ADGRL3: variants seen among roughly 807,000 people sequenced by gnomAD.
ADGRL3 encodes calcium-independent alpha-latrotoxin receptor 3.
A neutral mutation model predicts 153.5 loss-of-function variants in ADGRL3; 62 were observed. That is an observed-to-expected ratio of 0.40 (90% CI 0.33 to 0.50). The LOEUF is 0.50. ADGRL3 is among the 20% of genes least tolerant of loss of function. The pLI is 0.47. For synonymous variants in ADGRL3, 710 were observed against 672.5 expected, an observed-to-expected ratio of 1.06 and a Z score of -0.86; for missense variants, 1,641 against 1,859.4, an observed-to-expected ratio of 0.88 and a Z score of 2.16.
chr4:61,847,316 A>G (rs1339595529), intron 9 of ADGRL3, among the ~76,000 whole-genome samples: 2 of 151,450 alleles, frequency 1.3e-5, no homozygotes, highest in African/African-American at 4.9e-5. Flanking sequence ...GCTAACTTGA[A>G]TAAATTCACT....
intron 2 of ADGRL3, among the ~76,000 whole-genome samples, chr4:61,416,268 A>C (rs967056474): frequency 2.6e-5 from 4 of 152,090 alleles, no homozygotes; most frequent in Non-Finnish European, 4.4e-5. Flanking sequence ...AATCAAAGAA[A>C]CTAGTAATTT....
At chr4:61,904,612 C>T (rs1386982692) in intron 11 of ADGRL3, among the ~76,000 whole-genome samples, 1 of 151,782 alleles carries the variant, frequency 6.6e-6, no homozygotes, top group South Asian at 2.1e-4. Flanking sequence ...TCTTTTCCAC[C>T]TTTTCGTTTC....
In ADGRL3 at chr4:61,847,833, A is replaced by T. The variant is rs1211368513; in HGVS notation, c.1480+33944A>T. On this transcript the variant is annotated intron_variant, in intron 9 of 26. Coordinates refer to ENST00000683033, the MANE Select transcript of ADGRL3 (RefSeq NM_001387552.1). ...ATATTATATATATATAATATAAAAT[A>T]TATATATAATATAAAATATATTATA... Among the ~76,000 whole-genome samples the T allele has an allele frequency of 4.6e-4, 4 of 8,782 alleles. 1 individual carries two copies. The highest frequency in any genetic ancestry group is 1.2e-3 in the African/African-American group (4 of 3,404). 5.8% of individuals were successfully genotyped at this position (8,782 alleles called of 152,430 possible).
At chr4:61,400,830 A>T (rs1345501210) in intron 2 of ADGRL3, among the ~76,000 whole-genome samples, 2 of 151,668 alleles carry the variant, frequency 1.3e-5, no homozygotes, top group Non-Finnish European at 3.0e-5. Context: ...AAAAAAAAAA[A>T]AAAAAGTCCT....
At position 62,070,884 on chromosome 4, in the gene ADGRL3, G is replaced by T; in HGVS notation, c.4608G>T (p.Pro1536=). The change falls in exon 27 of 27, where the codon CCG becomes CCT. Residue 1536 remains proline, a synonymous_variant. Coordinates refer to ENST00000683033, the MANE Select transcript of ADGRL3 (RefSeq NM_001387552.1). ...GTPPEGSSKG[P]AHLVTSL ...CTCCCGAGGGAAGTTCAAAAGGACC[G>T]GCTCATTTGGTCACTAGTCTATAGA... 5 of 1,550,144 alleles carry T rather than the reference G, an allele frequency of 3.2e-6. No individual in the cohort carries two copies. The highest frequency in any genetic ancestry group is 1.4e-5 in the African/African-American group (1 of 73,072).
intron 2 of ADGRL3, among the ~76,000 whole-genome samples, chr4:61,438,929 G>A (rs1389362355): frequency 2.0e-5 from 3 of 151,806 alleles, no homozygotes; most frequent in African/African-American, 4.8e-5. Context: ...GGATGGTCTC[G>A]ATCGCCTGAC....
chr4:61,459,698 A>C (rs10032317), intron 2 of ADGRL3, among the ~76,000 whole-genome samples: 36,490 of 151,842 alleles, frequency 0.24, 4,488 homozygotes, highest in South Asian at 0.29. Context: ...CCTTTCCTCC[A>C]CTTCCTTGCC....
intron 5 of ADGRL3, among the ~76,000 whole-genome samples, chr4:61,600,612 T>C (rs946708660): frequency 2.6e-5 from 4 of 152,224 alleles, no homozygotes; most frequent in African/African-American, 9.6e-5. Flanking sequence ...TAGAAAAATC[T>C]GTTTTTTCCA....
intron 2 of ADGRL3, among the ~76,000 whole-genome samples, chr4:61,443,390 T>A (rs2097547642): frequency 6.6e-6 from 1 of 152,132 alleles, no homozygotes; most frequent in African/African-American, 2.4e-5. Context: ...TCTTTTATCA[T>A]TAACAATGAT....
intron 17 of ADGRL3, among the ~76,000 whole-genome samples, chr4:61,958,950 C>G (rs375923023): frequency 3.3e-5 from 5 of 152,114 alleles, no homozygotes; most frequent in Non-Finnish European, 4.4e-5. Flanking sequence ...ACTGAATTCC[C>G]CCTGCTTCTA....
chr4:61,299,273 A>T (rs1229445208), intron 1 of ADGRL3, among the ~76,000 whole-genome samples: 1 of 152,140 alleles, frequency 6.6e-6, no homozygotes, highest in Non-Finnish European at 1.5e-5. Context: ...TTTATACAGC[A>T]TCATAGTGAG....
intron 8 of ADGRL3, among the ~76,000 whole-genome samples, chr4:61,793,608 C>T (rs1173899850): frequency 6.6e-6 from 1 of 152,018 alleles, no homozygotes; most frequent in South Asian, 2.1e-4. Flanking sequence ...ATGTCAGGCT[C>T]CCAACATTAC....
At chr4:61,674,110 T>C (rs1423525051) in intron 5 of ADGRL3, among the ~76,000 whole-genome samples, 1 of 150,840 alleles carries the variant, frequency 6.6e-6, no homozygotes. Context: ...ATTTACAACT[T>C]CATAATATAT....
chr4:61,455,847 ACT>A (rs2097728696), intron 2 of ADGRL3, among the ~76,000 whole-genome samples: 1 of 151,712 alleles, frequency 6.6e-6, no homozygotes, highest in Admixed American at 6.6e-5. Flanking sequence ...ACAGAGTCTC[ACT>A]CTATCTCCCA....
At chr4:61,474,486 C>T (rs1481737257) in intron 2 of ADGRL3, among the ~76,000 whole-genome samples, 1 of 151,990 alleles carries the variant, frequency 6.6e-6, no homozygotes, top group Admixed American at 6.6e-5. Context: ...TTGTTTAGGG[C>T]AGTGTTTTAT....
chr4:62,060,486 A>C (rs1739468271), intron 25 of ADGRL3, among the ~76,000 whole-genome samples: 1 of 151,886 alleles, frequency 6.6e-6, no homozygotes, highest in African/African-American at 2.4e-5. Flanking sequence ...AGTTCATTTT[A>C]ACTTATACCT....
At chr4:61,417,704 CT>C (rs57443466) in intron 2 of ADGRL3, among the ~76,000 whole-genome samples, 139,066 of 149,708 alleles carry the variant, frequency 0.93, 65,302 homozygotes, top group East Asian at 1. Context: ...TGCCAAATGA[CT>C]TTTTTTTTTT....
In ADGRL3 at chr4:61,611,205, C is replaced by G. The variant is rs1239809714; in HGVS notation, c.473+23765C>G. Among the ~76,000 whole-genome samples the G allele has an allele frequency of 2.6e-5, 4 of 152,048 alleles. No homozygotes were observed. In the East Asian group the frequency reaches 7.8e-4, roughly 30 times the overall value. On this transcript the variant is annotated intron_variant, in intron 5 of 26. Coordinates refer to ENST00000683033, the MANE Select transcript of ADGRL3 (RefSeq NM_001387552.1). Reference sequence around the variant, plus strand: ...TGGCTCAGGAGTCCCCTGCATCCAGCCTATGGGGCAGACAGAGGAAATAGA... The same window carrying G: ...TGGCTCAGGAGTCCCCTGCATCCAGGCTATGGGGCAGACAGAGGAAATAGA...
rs553857668 is a variant in ADGRL3 at position 61,640,358 on chromosome 4, T to C, written c.474-36468T>C. Among the ~76,000 whole-genome samples, 4 of 152,274 alleles carry C rather than the reference T, an allele frequency of 2.6e-5. No homozygotes were observed. In the South Asian group the frequency reaches 6.2e-4, roughly 24 times the overall value. On this transcript the variant is annotated intron_variant, in intron 5 of 26. Coordinates refer to ENST00000683033, the MANE Select transcript of ADGRL3 (RefSeq NM_001387552.1). ...ATTCACCAGAGACATCTGCCCTCTA[T>C]GGTGTTAAATAAAAAGGTTCATGTT...
Sources: gnomAD v4.1 joint callset for allele counts (sites outside exome capture counted in the v4.1 genomes callset) on GRCh38, gnomAD v4.1.1 for gene constraint, MANE v1.5 for transcripts, NCBI Gene and HGNC (gene_info 2026-07-23, HGNC 2026-07-21) for gene names.